The following SLC10A7 variants were observed in gnomAD, a reference collection of about 807,000 sequenced individuals.
The protein encoded by SLC10A7 is solute carrier family 10 member 7.
In SLC10A7, 29 loss-of-function variants were observed where a neutral mutation model predicts 43.2. The ratio of observed to expected loss-of-function variants is 0.67; its 90% CI spans 0.50 to 0.92. The LOEUF is 0.92. Ranked by LOEUF, SLC10A7 falls within the 40% of genes least tolerant of loss-of-function variation. The pLI, the probability that SLC10A7 is intolerant of heterozygous loss-of-function variation, is 0.00. For synonymous variants in SLC10A7, 152 were observed against 144.8 expected (o/e 1.05, Z -0.35); for missense variants, 295 against 403.2 (o/e 0.73, Z 2.30).
chr4:146,408,428 T>C (rs1727893280), intron 5 of SLC10A7, among the ~76,000 whole-genome samples: 3 of 151,998 alleles, frequency 2.0e-5, no homozygotes, highest in Admixed American at 1.3e-4. Context: ...TGCACACCTA[T>C]AGTCCCGGCT....
chr4:146,394,949 T>C (rs1738707308), intron 5 of SLC10A7, among the ~76,000 whole-genome samples: 1 of 152,210 alleles, frequency 6.6e-6, no homozygotes, highest in Admixed American at 6.5e-5. Context: ...TAAAAGGGAA[T>C]ATTGTTCTCC....
At chr4:146,424,092 T>C (rs951094753) in intron 5 of SLC10A7, among the ~76,000 whole-genome samples, 1 of 152,200 alleles carries the variant, frequency 6.6e-6, no homozygotes, top group Admixed American at 6.5e-5. Context: ...CCCTCTGTTG[T>C]CCAGGCTGGA....
intron 4 of SLC10A7, among the ~76,000 whole-genome samples, chr4:146,471,369 T>C (rs1402112795): frequency 6.6e-6 from 1 of 152,224 alleles, no homozygotes; most frequent in African/African-American, 2.4e-5. Context: ...CCATTCAGTT[T>C]TCTTTCAGCA....
chr4:146,312,375 T>G (rs918673887), intron 6 of SLC10A7, among the ~76,000 whole-genome samples: 1 of 152,180 alleles, frequency 6.6e-6, no homozygotes, highest in Non-Finnish European at 1.5e-5. Context: ...ACAAAATGAT[T>G]ACTATGATAA....
chr4:146,332,721 T>C (rs1303366912), intron 5 of SLC10A7, among the ~76,000 whole-genome samples: 4 of 152,186 alleles, frequency 2.6e-5, no homozygotes, highest in Non-Finnish European at 5.9e-5. Context: ...TATTTCTTTA[T>C]AGCAATGCAA....
intron 6 of SLC10A7, among the ~76,000 whole-genome samples, chr4:146,308,119 C>A (rs1283273876): frequency 6.6e-6 from 1 of 152,132 alleles, no homozygotes. Context: ...CAGGTTACAG[C>A]AGCCTTCCTC....
At chr4:146,300,379 C>A (rs75825087) in intron 7 of SLC10A7, among the ~76,000 whole-genome samples, 3,867 of 152,230 alleles carry the variant, frequency 0.025, 159 homozygotes, top group African/African-American at 0.088. Context: ...AATAAATATT[C>A]AAACCTATGA....
intron 5 of SLC10A7, among the ~76,000 whole-genome samples, chr4:146,347,862 G>A (rs1734734471): frequency 6.6e-6 from 1 of 152,092 alleles, no homozygotes; most frequent in African/African-American, 2.4e-5. Flanking sequence ...GAAAACACAG[G>A]ATAGGTGAAA....
intron 4 of SLC10A7, among the ~76,000 whole-genome samples, chr4:146,461,352 C>T (rs1732510729): frequency 6.6e-6 from 1 of 151,906 alleles, no homozygotes; most frequent in Non-Finnish European, 1.5e-5. Flanking sequence ...AAACACAACG[C>T]CAACTTCATA....
At chr4:146,322,556 A>AT (rs1022697038) in intron 6 of SLC10A7, among the ~76,000 whole-genome samples, 2 of 151,994 alleles carry the variant, frequency 1.3e-5, no homozygotes, top group East Asian at 3.9e-4. Context: ...TGAATTCATC[A>AT]TTTTTTATGG....
intron 5 of SLC10A7, among the ~76,000 whole-genome samples, chr4:146,427,996 A>T (rs1449333041): frequency 6.6e-6 from 1 of 151,872 alleles, no homozygotes; most frequent in Admixed American, 6.6e-5. Context: ...ACAAAGTGAG[A>T]CTCAGTCTCT....
Position 146,256,423 on chromosome 4 carries a change from T to C in SLC10A7, c.*68A>G. ...TTGAGGCAACATTCACAAGTACAAG[T>C]CTTCAGAATTGCTAGTATGTACAAT... On this transcript the variant is annotated 3_prime_UTR_variant, in exon 12 of 12. Coordinates refer to ENST00000335472, the MANE Select transcript of SLC10A7 (RefSeq NM_001029998.6). 1 of 1,456,328 alleles carries C rather than the reference T, an allele frequency of 6.9e-7. No individual in the cohort carries two copies. 90.2% of individuals were successfully genotyped at this position (1,456,328 alleles called of 1,614,324 possible).
chr4:146,379,860 C>T (rs1416839663), intron 5 of SLC10A7, among the ~76,000 whole-genome samples: 1 of 151,944 alleles, frequency 6.6e-6, no homozygotes, highest in African/African-American at 2.4e-5. Flanking sequence ...AAGAATGGCC[C>T]CAAGTCTTGT....
At chr4:146,451,067 C>T (rs1214299520) in intron 4 of SLC10A7, among the ~76,000 whole-genome samples, 1 of 150,522 alleles carries the variant, frequency 6.6e-6, no homozygotes, top group Non-Finnish European at 1.5e-5. Flanking sequence ...GAAGGCAAAA[C>T]TTTAACACTT....
At chr4:146,491,586 G>C (rs1735420091) in intron 4 of SLC10A7, among the ~76,000 whole-genome samples, 1 of 151,530 alleles carries the variant, frequency 6.6e-6, no homozygotes, top group Non-Finnish European at 1.5e-5. Context: ...AAGAAAGAGT[G>C]AATTACACAC....
intron 5 of SLC10A7, among the ~76,000 whole-genome samples, chr4:146,391,524 A>C (rs987587243): frequency 1.3e-5 from 2 of 152,202 alleles, no homozygotes; most frequent in African/African-American, 4.8e-5. Flanking sequence ...TCAGCCCCTC[A>C]GTTTTAAAAT....
intron 3 of SLC10A7, among the ~76,000 whole-genome samples, chr4:146,507,824 T>C (rs1737063639): frequency 6.6e-6 from 1 of 152,182 alleles, no homozygotes; most frequent in African/African-American, 2.4e-5. Context: ...GTATGTACTT[T>C]CAAATTAGGG....
At position 146,256,566 on chromosome 4, in the gene SLC10A7, G is replaced by A. The variant is rs778041301; in HGVS notation, c.994-46C>T. The A allele has an allele frequency of 1.0e-4, 163 of 1,600,752 alleles. 2 individuals carry two copies. The South Asian group carries it at 1.5e-3, about 14-fold the overall frequency. ...TTCAGAGTTGGACAGTATCCATGAGGAAAGTGAAAGCATCAATTAACACCA... is the reference window on the plus strand; with the variant it reads ...TTCAGAGTTGGACAGTATCCATGAGAAAAGTGAAAGCATCAATTAACACCA... On this transcript the variant is annotated intron_variant, in intron 11 of 11. Transcript: ENST00000335472.
chr4:146,284,234 T>C (rs1241368657), intron 9 of SLC10A7, among the ~76,000 whole-genome samples: 5 of 152,148 alleles, frequency 3.3e-5, no homozygotes, highest in Admixed American at 3.3e-4. Context: ...AGTTAGCAAA[T>C]GGAAAAATGT....
Sources: allele counts gnomAD v4.1 joint callset (sites outside exome capture counted in the v4.1 genomes callset), GRCh38; gene constraint gnomAD v4.1.1; transcripts MANE v1.5; gene names NCBI Gene and HGNC (gene_info 2026-07-23, HGNC 2026-07-21).